The following UBE2E2 variants were observed in gnomAD, a reference collection of about 807,000 sequenced individuals.
UBE2E2 encodes ubiquitin-conjugating enzyme E2 E2.
A neutral mutation model predicts 24.7 loss-of-function variants in UBE2E2; 6 were observed. The observed-to-expected ratio is 0.24, with a 90% CI of 0.13 to 0.48. The LOEUF (loss-of-function observed/expected upper bound fraction) is 0.48, where lower values mean the gene tolerates loss of function less well. UBE2E2 is among the 20% of genes least tolerant of loss of function. UBE2E2 has a pLI of 0.99. For synonymous variants in UBE2E2, 104 were observed against 83.6 expected (o/e 1.24, Z -1.33); for missense variants, 169 against 245.0 (o/e 0.69, Z 2.07).
At chr3:23,264,272 G>T (rs908480038) in intron 3 of UBE2E2, among the ~76,000 whole-genome samples, 1 of 150,506 alleles carries the variant, frequency 6.6e-6, no homozygotes, top group South Asian at 2.1e-4. Context: ...TTTACTGTTC[G>T]TATCTTTAGG....
At chr3:23,526,474 A>T (rs895519629) in intron 4 of UBE2E2, among the ~76,000 whole-genome samples, 2 of 152,214 alleles carry the variant, frequency 1.3e-5, no homozygotes, top group Non-Finnish European at 2.9e-5. Flanking sequence ...TTGTTCAACA[A>T]ACAGTGGGCT....
chr3:23,348,442 A>T (rs1427250092), intron 3 of UBE2E2, among the ~76,000 whole-genome samples: 2 of 151,948 alleles, frequency 1.3e-5, no homozygotes. Context: ...TAGAAAGTAG[A>T]TTTTTTTCTT....
In UBE2E2 at chr3:23,484,143, C is replaced by T. The variant is rs143460264; in HGVS notation, c.228-15465C>T. On this transcript the variant is annotated intron_variant, in intron 3 of 5. Coordinates refer to ENST00000396703, the MANE Select transcript of UBE2E2 (RefSeq NM_152653.4). ...TCTGCTGTTCTTCCAAAGGGCAACC[C>T]GCTTTCTTCTCCCTGCCTTTTTCCA... Among the ~76,000 whole-genome samples, 15 of 152,318 alleles carry T rather than the reference C, an allele frequency of 9.8e-5. No homozygotes were observed. In the East Asian group the frequency reaches 1.2e-3, roughly 12 times the overall value.
intron 5 of UBE2E2, among the ~76,000 whole-genome samples, chr3:23,560,202 C>A (rs1305206287): frequency 7.0e-6 from 1 of 142,248 alleles, no homozygotes; most frequent in Non-Finnish European, 1.5e-5. Context: ...GAATGCTATA[C>A]CTCCCCCCTC....
chr3:23,352,812 G>A (rs1362114814), intron 3 of UBE2E2, among the ~76,000 whole-genome samples: 1 of 152,152 alleles, frequency 6.6e-6, no homozygotes, highest in Non-Finnish European at 1.5e-5. Context: ...GGTACAAGGA[G>A]GAACTGGTAC....
rs1698643352 is a variant in UBE2E2 at position 23,287,327 on chromosome 3, G to A, written c.227+70015G>A. Among the ~76,000 whole-genome samples the A allele has an allele frequency of 2.6e-5, 4 of 152,114 alleles. No individual in the cohort carries two copies. The South Asian group carries it at 8.3e-4, about 32-fold the overall frequency. On this transcript the variant is annotated intron_variant, in intron 3 of 5. Coordinates refer to ENST00000396703, the MANE Select transcript of UBE2E2 (RefSeq NM_152653.4). ...ATGTGTTGTTGAATTTGGTTCGCTA[G>A]TATTTTGTTGAAGATTTTTGCATTA...
At chr3:23,334,088 T>C (rs535420162) in intron 3 of UBE2E2, among the ~76,000 whole-genome samples, 23 of 151,992 alleles carry the variant, frequency 1.5e-4, no homozygotes, top group Middle Eastern at 3.4e-3. Context: ...TCAAAACTTA[T>C]CTTAAATTGA....
rs184920769 is a variant in UBE2E2, at chr3:23,557,550, T to C, written c.508+24849T>C. 4.6e-3 allele frequency among the ~76,000 whole-genome samples: 697 copies of C among 152,220 alleles called. 6 individuals are homozygous for C. The highest frequency in any genetic ancestry group is 0.015 in the African/African-American group (642 of 41,536). ...ACACCAGTTCACTTAAATACACCTTTGGGGTGTAGGAAGAAACTGGAGTAC... is the reference window on the plus strand; with the variant it reads ...ACACCAGTTCACTTAAATACACCTTCGGGGTGTAGGAAGAAACTGGAGTAC... On this transcript the variant is annotated intron_variant, in intron 5 of 5. Transcript: ENST00000396703.
chr3:23,445,769 G>A (rs899249958), intron 3 of UBE2E2, among the ~76,000 whole-genome samples: 62 of 152,162 alleles, frequency 4.1e-4, no homozygotes, highest in African/African-American at 1.4e-3. Flanking sequence ...TTCTCTGCCC[G>A]TCTTGCTACT....
chr3:23,494,990 G>T (rs1575666197), intron 3 of UBE2E2, among the ~76,000 whole-genome samples: 1 of 152,034 alleles, frequency 6.6e-6, no homozygotes, highest in East Asian at 1.9e-4. Context: ...GGCCAGGCTG[G>T]TCTCAAACTC....
At chr3:23,226,972 C>CAAA (rs920959203) in intron 3 of UBE2E2, among the ~76,000 whole-genome samples, 1 of 81,712 alleles carries the variant, frequency 1.2e-5, no homozygotes, top group Admixed American at 1.3e-4. Flanking sequence ...CCATGAAGAC[C>CAAA]AAAAAAAAAA....
intron 3 of UBE2E2, among the ~76,000 whole-genome samples, chr3:23,316,914 T>C (rs1459857810): frequency 6.6e-6 from 1 of 152,120 alleles, no homozygotes; most frequent in African/African-American, 2.4e-5. Flanking sequence ...AATTAGGGCC[T>C]GGAATGGGGA....
rs80083961 is a variant in UBE2E2 at position 23,259,681 on chromosome 3, A to G, written c.227+42369A>G. Among the ~76,000 whole-genome samples the G allele has an allele frequency of 5.8e-3, 882 of 152,290 alleles. 2 individuals carry two copies. The highest frequency in any genetic ancestry group is 1.0e-2 in the Admixed American group (153 of 15,302). On this transcript the variant is annotated intron_variant, in intron 3 of 5. Coordinates refer to ENST00000396703, the MANE Select transcript of UBE2E2 (RefSeq NM_152653.4). ...ATATAACATACAGAAAAATTACCTTACATCATATATACCCTGTGGAAATTA... is the reference window on the plus strand; with the variant it reads ...ATATAACATACAGAAAAATTACCTTGCATCATATATACCCTGTGGAAATTA...
At chr3:23,252,487 TA>T (rs1262664849) in intron 3 of UBE2E2, among the ~76,000 whole-genome samples, 4 of 152,054 alleles carry the variant, frequency 2.6e-5, no homozygotes, top group Admixed American at 6.6e-5. Context: ...AAAACAAGAT[TA>T]AAAAAAATTT....
At chr3:23,506,269 A>G (rs1316108278) in intron 4 of UBE2E2, among the ~76,000 whole-genome samples, 1 of 152,176 alleles carries the variant, frequency 6.6e-6, no homozygotes, top group Non-Finnish European at 1.5e-5. Flanking sequence ...TGAATTGCCT[A>G]TTTGACATCT....
In UBE2E2 at chr3:23,221,837, G is replaced by A. The variant is rs181400072; in HGVS notation, c.227+4525G>A. 8.6e-5 allele frequency among the ~76,000 whole-genome samples: 13 copies of A among 152,020 alleles called. No homozygotes were observed. In the East Asian group the frequency reaches 1.9e-3, roughly 23 times the overall value. ...TTTTTAGTAGAGACGGGGTTTCACCGTGTTGGCCAGGCTGGTCTTGAACTT... is the reference window on the plus strand; with the variant it reads ...TTTTTAGTAGAGACGGGGTTTCACCATGTTGGCCAGGCTGGTCTTGAACTT... On this transcript the variant is annotated intron_variant, in intron 3 of 5. Transcript: ENST00000396703.
chr3:23,364,854 T>C (rs1219702817), intron 3 of UBE2E2, among the ~76,000 whole-genome samples: 1 of 152,104 alleles, frequency 6.6e-6, no homozygotes, highest in Non-Finnish European at 1.5e-5. Flanking sequence ...CTGATGACCA[T>C]AGAAGCAAAA....
intron 3 of UBE2E2, chr3:23,389,899 G>C (rs1696892734): frequency 6.4e-6 from 1 of 157,444 alleles, no homozygotes; most frequent in Non-Finnish European, 1.4e-5. Context: ...TGCCTGAACA[G>C]CTGCTTCTTC....
At chr3:23,286,362 G>C (rs1025548073) in intron 3 of UBE2E2, among the ~76,000 whole-genome samples, 13 of 152,132 alleles carry the variant, frequency 8.5e-5, no homozygotes, top group Non-Finnish European at 1.8e-4. Context: ...TCAGTCTTCT[G>C]CATATGGACA....
Sources: gnomAD v4.1 joint callset for allele counts (sites outside exome capture counted in the v4.1 genomes callset) on GRCh38, gnomAD v4.1.1 for gene constraint, MANE v1.5 for transcripts, NCBI Gene and HGNC (gene_info 2026-07-23, HGNC 2026-07-21) for gene names.